Variants in IL17D observed in about 807,000 individuals in gnomAD.
The protein encoded by IL17D is interleukin 17D.
IL17D carries 10 observed loss-of-function variants against 5.7 expected under a neutral mutation model. That is an observed-to-expected ratio of 1.75 (90% CI 1.08 to 2.97). IL17D has a LOEUF of 2.97. Ranked by LOEUF, IL17D falls within the 30% of genes most tolerant of loss-of-function variation. IL17D has a pLI of 0.00. For synonymous variants in IL17D, 172 were observed against 141.7 expected, an observed-to-expected ratio of 1.21 and a Z score of -1.52; for missense variants, 354 against 292.7, an observed-to-expected ratio of 1.21 and a Z score of -1.53.
intron 1 of IL17D, among the ~76,000 whole-genome samples, chr13:20,704,806 TGC>T (rs1385245703): frequency 6.6e-6 from 1 of 150,988 alleles, no homozygotes; most frequent in East Asian, 2.0e-4. Flanking sequence ...TGCTGGGGGG[TGC>T]GCGGTACTAT....
At chr13:20,718,072 C>T (rs1459204565) in intron 1 of IL17D, among the ~76,000 whole-genome samples, 1 of 152,136 alleles carries the variant, frequency 6.6e-6, no homozygotes, top group Non-Finnish European at 1.5e-5. Flanking sequence ...TCACCCCACC[C>T]GTGAAGAGAC....
At chr13:20,710,143 C>T (rs562503682) in intron 1 of IL17D, among the ~76,000 whole-genome samples, 33 of 152,278 alleles carry the variant, frequency 2.2e-4, no homozygotes, top group Admixed American at 1.0e-3. Context: ...TATTTTTTCA[C>T]TTACTTTGTG....
upstream of IL17D, chr13:20,703,594 C>T (rs1264715161): frequency 4.7e-6 from 1 of 214,110 alleles, no homozygotes; most frequent in Non-Finnish European, 8.0e-6. Flanking sequence ...GGGGCTCCCT[C>T]GCTGGCGGCG....
At chr13:20,712,636 C>T (rs538115176) in intron 1 of IL17D, 4 of 151,796 alleles carry the variant, frequency 2.6e-5, no homozygotes, top group Non-Finnish European at 5.9e-5. Context: ...AAATGCATGT[C>T]TCTCTTTTAT....
intron 1 of IL17D, among the ~76,000 whole-genome samples, chr13:20,708,822 A>AC (rs1169347167): frequency 7.6e-6 from 1 of 130,938 alleles, no homozygotes; most frequent in Non-Finnish European, 1.6e-5. Flanking sequence ...ACATGGTGAA[A>AC]CCCCATCTCT....
intron 1 of IL17D, among the ~76,000 whole-genome samples, chr13:20,710,406 G>T (rs1322523482): frequency 7.1e-6 from 1 of 140,536 alleles, no homozygotes; most frequent in Non-Finnish European, 1.5e-5. Flanking sequence ...CTGAGGTCAG[G>T]AGTTCAAGAC....
rs1332843129 is a variant in IL17D at position 20,704,022 on chromosome 13, G to A, written c.21G>A (p.Leu7=). The A allele has an allele frequency of 9.7e-7, 1 of 1,029,068 alleles. No individual in the cohort carries two copies. The highest frequency in any genetic ancestry group is 9.7e-5 in the East Asian group (1 of 10,342). 63.7% of individuals were successfully genotyped at this position (1,029,068 alleles called of 1,614,324 possible). ...TCTGGATGCTGGTAGCCGGCTTCCTGCTGGCGCTGCCGCCGAGCTGGGCCG... is the reference window on the plus strand; with the variant it reads ...TCTGGATGCTGGTAGCCGGCTTCCTACTGGCGCTGCCGCCGAGCTGGGCCG... MLVAGF[L]LALPPSWAAG... Residue 7 remains leucine (L), a synonymous_variant, in exon 1 of 2, where the codon CTG becomes CTA. Coordinates refer to ENST00000682841, the MANE Select transcript of IL17D (RefSeq NM_001385224.1).
chr13:20,718,997 C>T (rs1018806694), intron 1 of IL17D, among the ~76,000 whole-genome samples: 8 of 148,348 alleles, frequency 5.4e-5, no homozygotes, highest in African/African-American at 2.0e-4. Context: ...CTCACACACC[C>T]ACACATGCCC....
At chr13:20,721,544 C>G (rs537012356) in intron 1 of IL17D, 92 bp from the exon 2 acceptor site, 3 of 1,116,498 alleles carry the variant, frequency 2.7e-6, no homozygotes, top group East Asian at 2.6e-5. Flanking sequence ...GGACAGTCCC[C>G]GAGGCCCTCC....
In IL17D at chr13:20,722,012, G is replaced by A. The variant is rs1159343492; in HGVS notation, c.*58G>A. On this transcript the variant is annotated 3_prime_UTR_variant, in exon 2 of 2. Coordinates refer to ENST00000682841, the MANE Select transcript of IL17D (RefSeq NM_001385224.1). ...CGCATCCCGAGGCGCCCAAGCTGGA[G>A]CCGCCTGGAGGGCTCGGTCGGCGAC... 4 of 1,419,184 alleles carry A rather than the reference G, an allele frequency of 2.8e-6. No homozygotes were observed. The East Asian group carries it at 7.3e-5, about 26-fold the overall frequency. 87.9% of individuals were successfully genotyped at this position (1,419,184 alleles called of 1,614,324 possible).
chr13:20,721,854 T>A lies in IL17D; in HGVS notation c.509T>A (p.Val170Asp). ...ACCATCCCCGTGGGCTGCACCTGCG[T>A]CCCCGAGCCGGAGAAGGACGCAGAC... ...YVTIPVGCTC[V>D]PEPEKDADSI... Residue 170 changes from valine (V) to aspartate (D), a missense_variant, in exon 2 of 2, where the codon GTC becomes GAC. Transcript: ENST00000682841. 6.2e-7 allele frequency: 1 copy of A among 1,610,418 alleles called. No individual in the cohort carries two copies. The highest frequency in any genetic ancestry group is 8.5e-7 in the Non-Finnish European group (1 of 1,179,768).
intron 1 of IL17D, among the ~76,000 whole-genome samples, chr13:20,714,425 C>A (rs547336072): frequency 6.6e-6 from 1 of 152,182 alleles, no homozygotes; most frequent in Non-Finnish European, 1.5e-5. Flanking sequence ...GCAGTGCGGG[C>A]GGCTGGGCTA....
At chr13:20,718,973 GAC>G (rs1438986518) in intron 1 of IL17D, among the ~76,000 whole-genome samples, 4 of 92,038 alleles carry the variant, frequency 4.3e-5, no homozygotes, top group African/African-American at 8.7e-5. Flanking sequence ...CCCACGCTCA[GAC>G]ACACCTGCCC....
At chr13:20,704,558 G>A (rs1410596611) in intron 1 of IL17D, among the ~76,000 whole-genome samples, 3 of 148,498 alleles carry the variant, frequency 2.0e-5, no homozygotes, top group South Asian at 4.3e-4. Flanking sequence ...GGGGTGGGGC[G>A]GGGCAGTTGG....
upstream of IL17D, chr13:20,703,398 G>A (rs1228680984): frequency 1.0e-6 from 1 of 986,058 alleles, no homozygotes; most frequent in African/African-American, 1.7e-5. Context: ...TGTCCGTGAG[G>A]CCGGGCGGCG....
At chr13:20,702,416 T>G (rs923957606), upstream of IL17D, 1 of 152,218 alleles carries the variant, frequency 6.6e-6, no homozygotes, top group Admixed American at 6.5e-5. Context: ...GCAAACCATT[T>G]AGGGAGTCAT....
chr13:20,718,904 G>C (rs117281591), intron 1 of IL17D, among the ~76,000 whole-genome samples: 1 of 107,204 alleles, frequency 9.3e-6, no homozygotes, highest in East Asian at 3.1e-4. Flanking sequence ...TCACACACCC[G>C]CCCATGCTCA....
In IL17D at chr13:20,721,983, G is replaced by A; in HGVS notation, c.*29G>A. ...CGGTCCTGCCCCGGGAGGTCTCCCC[G>A]GCCCGCATCCCGAGGCGCCCAAGCT... On this transcript the variant is annotated 3_prime_UTR_variant, in exon 2 of 2. Transcript: ENST00000682841. 2.0e-6 allele frequency: 3 copies of A among 1,529,120 alleles called. No homozygotes were observed. Among genetic ancestry groups the A allele is most frequent in the South Asian group, 1.2e-5 (1 of 80,294 alleles). The allele number at this position is 1,529,120 out of a possible 1,614,324, so 94.7% of individuals were successfully genotyped here.
intron 1 of IL17D, among the ~76,000 whole-genome samples, chr13:20,706,037 G>C (rs1380957222): frequency 1.3e-5 from 2 of 152,160 alleles, no homozygotes; most frequent in African/African-American, 2.4e-5. Context: ...CCCCTATGCT[G>C]TCCTGGGAAG....
Sources: gnomAD v4.1 joint callset for allele counts (sites outside exome capture counted in the v4.1 genomes callset) on GRCh38, gnomAD v4.1.1 for gene constraint, MANE v1.5 for transcripts, NCBI Gene and HGNC (gene_info 2026-07-23, HGNC 2026-07-21) for gene names.